The following CDC42SE2 variants were observed in gnomAD, a reference collection of about 807,000 sequenced individuals.
CDC42SE2 encodes the protein CDC42 small effector 2, also known as CDC42 small effector protein 2.
A neutral mutation model predicts 11.5 loss-of-function variants in CDC42SE2; 3 were observed. The ratio of observed to expected loss-of-function variants is 0.26; its 90% CI spans 0.12 to 0.67. The LOEUF (loss-of-function observed/expected upper bound fraction) is 0.67. Ranked by LOEUF, CDC42SE2 falls within the 30% of genes least tolerant of loss-of-function variation. The probability of loss-of-function intolerance (pLI) is 0.80; values close to 1 mark genes in which losing one functional copy is unlikely to be tolerated. For missense variants in CDC42SE2, 82 were observed against 106.8 expected (o/e 0.77, Z 1.02); for synonymous variants, 33 against 34.8 (o/e 0.95, Z 0.18).
At chr5:131,310,940 C>T (rs1449280847) in intron 1 of CDC42SE2, among the ~76,000 whole-genome samples, 8 of 151,484 alleles carry the variant, frequency 5.3e-5, no homozygotes, top group Non-Finnish European at 1.5e-5. Flanking sequence ...AGTCCATTTA[C>T]ATTTAAAGTT....
At chr5:131,337,806 A>G (rs992874866) in intron 2 of CDC42SE2, among the ~76,000 whole-genome samples, 1 of 152,224 alleles carries the variant, frequency 6.6e-6, no homozygotes, top group African/African-American at 2.4e-5. Context: ...CCGTTTGTGA[A>G]GCCCGTTGGA....
chr5:131,273,140 A>T (rs1020304135), intron 1 of CDC42SE2, among the ~76,000 whole-genome samples: 2 of 147,010 alleles, frequency 1.4e-5, no homozygotes, highest in African/African-American at 2.6e-5. Flanking sequence ...ATATATATAT[A>T]TTTTACATTT....
intron 1 of CDC42SE2, among the ~76,000 whole-genome samples, chr5:131,274,254 T>C (rs1461626504): frequency 6.6e-6 from 1 of 152,082 alleles, no homozygotes; most frequent in East Asian, 1.9e-4. Context: ...CCCCAGTAAT[T>C]GTCCCCATTC....
chr5:131,337,906 C>A (rs1298010536), intron 2 of CDC42SE2, among the ~76,000 whole-genome samples: 1 of 152,246 alleles, frequency 6.6e-6, no homozygotes, highest in Non-Finnish European at 1.5e-5. Flanking sequence ...TCCCTGACCC[C>A]TTGCACTTCC....
At chr5:131,382,492 T>C (rs1480247538) in intron 3 of CDC42SE2, among the ~76,000 whole-genome samples, 1 of 152,086 alleles carries the variant, frequency 6.6e-6, no homozygotes, top group Admixed American at 6.5e-5. Context: ...CTGGAGGAAA[T>C]GATGCAGAAT....
At chr5:131,267,055 ATTTTTTTT>A (rs71000983) in intron 1 of CDC42SE2, among the ~76,000 whole-genome samples, 1 of 113,682 alleles carries the variant, frequency 8.8e-6, no homozygotes, top group Non-Finnish European at 1.8e-5. Flanking sequence ...AGAACTCATA[ATTTTTTTT>A]TTTTTTTTTT....
chr5:131,287,511 C>T (rs974449242), intron 1 of CDC42SE2, among the ~76,000 whole-genome samples: 43 of 150,078 alleles, frequency 2.9e-4, no homozygotes, highest in African/African-American at 1.0e-3. Flanking sequence ...GATGCCCAGG[C>T]GAGTGCAGTG....
At chr5:131,242,239 T>C (rs922755369), upstream of CDC42SE2, among the ~76,000 whole-genome samples, 9 of 152,204 alleles carry the variant, frequency 5.9e-5, no homozygotes, top group African/African-American at 2.2e-4. Context: ...TGAGAAAATG[T>C]TCAGAAAACA....
chr5:131,371,808 G>A (rs1033925895), intron 3 of CDC42SE2, among the ~76,000 whole-genome samples: 1 of 152,208 alleles, frequency 6.6e-6, no homozygotes, highest in Non-Finnish European at 1.5e-5. Flanking sequence ...GTGAGACTAT[G>A]CAGATACAGC....
At chr5:131,323,547 G>T (rs867578314) in intron 2 of CDC42SE2, among the ~76,000 whole-genome samples, 327 of 82,572 alleles carry the variant, frequency 4.0e-3, no homozygotes, top group African/African-American at 0.012. Flanking sequence ...TCTCTCTCTG[G>T]TTTTTTTTTT....
chr5:131,231,349 AT>A, the CDC42SE2 span, among the ~76,000 whole-genome samples: 1 of 152,186 alleles, frequency 6.6e-6, no homozygotes, highest in Non-Finnish European at 1.5e-5. Flanking sequence ...AGATTTTCAA[AT>A]TCAGTGGCAT....
intron 2 of CDC42SE2, among the ~76,000 whole-genome samples, chr5:131,318,182 A>G (rs143113450): frequency 2.6e-5 from 4 of 152,182 alleles, no homozygotes; most frequent in African/African-American, 7.2e-5. Context: ...CAAGAGGTCT[A>G]CCTGCGTTGG....
At chr5:131,312,335 T>TG (rs1428458826) in intron 1 of CDC42SE2, among the ~76,000 whole-genome samples, 2 of 152,160 alleles carry the variant, frequency 1.3e-5, no homozygotes, top group African/African-American at 4.8e-5. Context: ...GGAGTGCCAG[T>TG]GCTCTCTTCA....
upstream of CDC42SE2, among the ~76,000 whole-genome samples, chr5:131,259,014 T>C (rs1756702325): frequency 6.6e-6 from 1 of 152,224 alleles, no homozygotes; most frequent in Non-Finnish European, 1.5e-5. Flanking sequence ...TGCCTTCCTA[T>C]CTTTGGCTGC....
chr5:131,216,518 A>AAAAAAAAAAAAC, the CDC42SE2 span, among the ~76,000 whole-genome samples: 10 of 146,096 alleles, frequency 6.8e-5, 1 homozygote, highest in African/African-American at 2.7e-4. Flanking sequence ...AAAAAAAAAA[A>AAAAAAAAAAAAC]AAAACATTAT....
chr5:131,378,405 G>A (rs1750217694), intron 3 of CDC42SE2, among the ~76,000 whole-genome samples: 1 of 140,558 alleles, frequency 7.1e-6, no homozygotes, highest in South Asian at 2.2e-4. Flanking sequence ...GGGAATCACT[G>A]TCACTGGCAT....
At chr5:131,212,823 G>A in the CDC42SE2 span, among the ~76,000 whole-genome samples, 1 of 152,158 alleles carries the variant, frequency 6.6e-6, no homozygotes, top group African/African-American at 2.4e-5. Context: ...AGGAAGACTT[G>A]CTGATCAAAC....
At chr5:131,216,870 C>G in the CDC42SE2 span, among the ~76,000 whole-genome samples, 233 of 152,158 alleles carry the variant, frequency 1.5e-3, no homozygotes, top group Non-Finnish European at 2.8e-3. Flanking sequence ...TCTCACCACA[C>G]GACTACCTGA....
At chr5:131,388,547 A>C (rs30736) in intron 4 of CDC42SE2, among the ~76,000 whole-genome samples, 7 of 152,018 alleles carry the variant, frequency 4.6e-5, no homozygotes, top group African/African-American at 1.7e-4. Flanking sequence ...TAAATATATT[A>C]TTCTTCTACC....
Sources: allele counts gnomAD v4.1 joint callset (sites outside exome capture counted in the v4.1 genomes callset), GRCh38; gene constraint gnomAD v4.1.1; transcripts MANE v1.5; gene names NCBI Gene and HGNC (gene_info 2026-07-23, HGNC 2026-07-21).